OLA1: variants seen among roughly 807,000 people sequenced by gnomAD.
The protein encoded by OLA1 is obg-like ATPase 1.
A neutral mutation model predicts 48.4 loss-of-function variants in OLA1; 14 were observed. The observed-to-expected ratio is 0.29, with a 90% CI of 0.19 to 0.45. OLA1 has a LOEUF of 0.45. Among genes scored for constraint, OLA1 ranks in the 20% least tolerant of loss-of-function variants. The probability of loss-of-function intolerance (pLI) is 1.00; values close to 1 mark genes in which losing one functional copy is unlikely to be tolerated. For synonymous variants in OLA1, 127 were observed against 150.4 expected (o/e 0.84, Z 1.14); for missense variants, 325 against 467.1 (o/e 0.70, Z 2.80).
At chr2:174,147,790 T>C (rs1686645024) in intron 4 of OLA1, among the ~76,000 whole-genome samples, 1 of 152,158 alleles carries the variant, frequency 6.6e-6, no homozygotes, top group Non-Finnish European at 1.5e-5. Context: ...CATGCATTGT[T>C]TATAGAAAAA....
intron 2 of OLA1, among the ~76,000 whole-genome samples, chr2:174,238,089 T>C (rs1318447139): frequency 6.6e-6 from 1 of 152,230 alleles, no homozygotes; most frequent in Non-Finnish European, 1.5e-5. Context: ...GAAGATTATC[T>C]TCAAAGCACT....
intron 4 of OLA1, among the ~76,000 whole-genome samples, chr2:174,214,017 AC>A (rs1408046031): frequency 5.2e-4 from 79 of 151,684 alleles, no homozygotes; most frequent in Non-Finnish European, 1.2e-4. Context: ...CAAAAAAAAA[AC>A]CCAACAATGC....
chr2:174,247,954 C>T (rs951564485), intron 1 of OLA1: 1 of 740,508 alleles, frequency 1.4e-6, no homozygotes, highest in South Asian at 1.9e-5. Flanking sequence ...CTGTCCCAGT[C>T]TTCTGGCTGA....
intron 4 of OLA1, among the ~76,000 whole-genome samples, chr2:174,164,384 T>TGCATAGTGCAGAATGGATACCA (rs1558984980): frequency 6.6e-6 from 1 of 152,008 alleles, no homozygotes; most frequent in Non-Finnish European, 1.5e-5. Flanking sequence ...GATACCATTC[T>TGCATAGTGCAGAATGGATACCA]GTTTTATGTT....
chr2:174,088,912 A>C (rs1685042888), intron 7 of OLA1, among the ~76,000 whole-genome samples: 1 of 151,750 alleles, frequency 6.6e-6, no homozygotes. Flanking sequence ...AAATAAATAA[A>C]TAAAGCTCCA....
intron 7 of OLA1, among the ~76,000 whole-genome samples, chr2:174,095,652 A>C (rs1221642748): frequency 6.6e-6 from 1 of 152,174 alleles, no homozygotes; most frequent in African/African-American, 2.4e-5. Context: ...CCACATACAA[A>C]AATTAAAATG....
intron 5 of OLA1, among the ~76,000 whole-genome samples, chr2:174,140,440 T>C (rs1009148701): frequency 6.6e-6 from 1 of 151,862 alleles, no homozygotes; most frequent in Non-Finnish European, 1.5e-5. Context: ...TGATCTGGGC[T>C]CACTGCAGCC....
At chr2:174,231,533 C>T (rs1688728904) in intron 2 of OLA1, among the ~76,000 whole-genome samples, 1 of 152,028 alleles carries the variant, frequency 6.6e-6, no homozygotes. Context: ...TTTATATCGT[C>T]TACCTGGACA....
chr2:174,125,134 G>A (rs544348047), intron 5 of OLA1, among the ~76,000 whole-genome samples: 1 of 152,308 alleles, frequency 6.6e-6, no homozygotes, highest in South Asian at 2.1e-4. Context: ...GTGCAGCCTT[G>A]CTATTAACTG....
At chr2:174,227,102 A>AAAAG (rs570496064) in intron 3 of OLA1, among the ~76,000 whole-genome samples, 49 of 151,972 alleles carry the variant, frequency 3.2e-4, no homozygotes, top group African/African-American at 1.1e-3. Context: ...TTTAAAAAAA[A>AAAAG]AAAGAAAGAA....
At chr2:174,132,265 TTA>T in intron 5 of OLA1, among the ~76,000 whole-genome samples, 1 of 152,068 alleles carries the variant, frequency 6.6e-6, no homozygotes, top group South Asian at 2.1e-4. Flanking sequence ...TGCTAAGAAT[TTA>T]TATTTTACTA....
Position 174,079,003 on chromosome 2 carries a change from C to A in OLA1, c.1054G>T (p.Asp352Tyr). The A allele has an allele frequency of 1.2e-6, 2 of 1,604,170 alleles. No homozygotes were observed. The highest frequency in any genetic ancestry group is 1.7e-6 in the Non-Finnish European group (2 of 1,175,938). The change falls in exon 10 of 11, where the codon GAT becomes TAT. Residue 352 changes from aspartate to tyrosine, a missense_variant. Asp to Tyr is a radical substitution (Grantham distance 160, BLOSUM62 -3). Transcript: ENST00000284719. The part of the protein sequence containing the change: ...FIMAEVMKYE[D>Y]FKEEGSENAV... Reference sequence around the variant, plus strand: ...TTTTCAGAACCTTCCTCTTTAAAATCTTCGTATTTCATTACTTCAGCCATA... The same window carrying A: ...TTTTCAGAACCTTCCTCTTTAAAATATTCGTATTTCATTACTTCAGCCATA...
At chr2:174,164,768 G>C (rs1687122912) in intron 4 of OLA1, among the ~76,000 whole-genome samples, 1 of 152,134 alleles carries the variant, frequency 6.6e-6, no homozygotes, top group Non-Finnish European at 1.5e-5. Flanking sequence ...CTACTGCTTA[G>C]GAATTTACGT....
At chr2:174,242,750 T>C (rs569169391) in intron 2 of OLA1, among the ~76,000 whole-genome samples, 128 of 152,308 alleles carry the variant, frequency 8.4e-4, no homozygotes, top group African/African-American at 3.0e-3. Flanking sequence ...TAAAGAAGTT[T>C]GGAACACTGT....
chr2:174,089,168 CT>C (rs960745584), intron 7 of OLA1, among the ~76,000 whole-genome samples: 7 of 152,016 alleles, frequency 4.6e-5, no homozygotes, highest in African/African-American at 1.7e-4. Flanking sequence ...ATGATCCTGC[CT>C]GGCCAAATGA....
chr2:174,246,881 C>T (rs560587049), intron 1 of OLA1, 66 bp from the exon 2 acceptor site: 6 of 850,122 alleles, frequency 7.1e-6, no homozygotes, highest in Non-Finnish European at 1.2e-5. Context: ...AAACACATTT[C>T]ATCACATACA....
intron 10 of OLA1, among the ~76,000 whole-genome samples, chr2:174,077,826 T>C (rs1200365399): frequency 2.0e-5 from 3 of 151,948 alleles, no homozygotes; most frequent in African/African-American, 7.2e-5. Context: ...TTATGAAAAA[T>C]AGATATGCCA....
intron 7 of OLA1, among the ~76,000 whole-genome samples, chr2:174,095,446 T>C (rs1315182014): frequency 6.6e-6 from 1 of 151,602 alleles, no homozygotes; most frequent in Non-Finnish European, 1.5e-5. Flanking sequence ...ACTGACGTTG[T>C]GCATCTTTTC....
In OLA1 at chr2:174,168,875, T is replaced by A. The variant is rs202048835; in HGVS notation, c.374-26875A>T. Among the ~76,000 whole-genome samples, 3 of 150,982 alleles carry A rather than the reference T, an allele frequency of 2.0e-5. No individual in the cohort carries two copies. The East Asian group carries it at 5.8e-4, about 29-fold the overall frequency. ...ATGTCAAAGATAAATCAACAGAAAC[T>A]AATCTGAACACACAGAAGACAGAAT... On this transcript the variant is annotated intron_variant, in intron 4 of 10. Transcript: ENST00000284719.
Sources: allele counts gnomAD v4.1 joint callset (sites outside exome capture counted in the v4.1 genomes callset), GRCh38; gene constraint gnomAD v4.1.1; transcripts MANE v1.5; gene names NCBI Gene and HGNC (gene_info 2026-07-23, HGNC 2026-07-21).